Variants in CCDC175 observed in about 807,000 individuals in gnomAD.
The protein encoded by CCDC175 is coiled-coil domain-containing protein 175.
In CCDC175, 100 loss-of-function variants were observed where a neutral mutation model predicts 114.6. The observed-to-expected ratio is 0.87, with a 90% CI of 0.74 to 1.03. The LOEUF (loss-of-function observed/expected upper bound fraction) is 1.03. CCDC175 is among the 50% of genes least tolerant of loss of function. CCDC175 has a pLI of 0.00. For synonymous variants in CCDC175, 306 were observed against 308.7 expected (o/e 0.99, Z 0.09); for missense variants, 880 against 917.8 (o/e 0.96, Z 0.53).
rs771943436 is a variant in CCDC175 at position 59,538,821 on chromosome 14, T to G, written c.1375A>C (p.Met459Leu). ...GCATGCTTTTTTCTCAAGCAAGCCA[T>G]TTTCCACTGAGTTATAACACTAGAG... is the stretch of plus-strand genomic sequence containing the variant. ...SQRCVITQWK[M>L]ACLRKKHARW... The change falls in exon 12 of 20, where the codon ATG becomes CTG. Residue 459 changes from methionine to leucine, a missense_variant. Transcript: ENST00000537690. 2.6e-6 allele frequency: 4 copies of G among 1,536,492 alleles called. No individual in the cohort carries two copies. The East Asian group carries it at 7.3e-5, about 28-fold the overall frequency.
chr14:59,549,877 G>A (rs1895359050), intron 8 of CCDC175, among the ~76,000 whole-genome samples: 1 of 152,058 alleles, frequency 6.6e-6, no homozygotes, highest in South Asian at 2.1e-4. Flanking sequence ...GTATATTTGT[G>A]TGTATAAGTA....
chr14:59,522,138 G>C lies in CCDC175; in HGVS notation c.1996-462C>G, dbSNP rs1391190578. Among the ~76,000 whole-genome samples, 3 of 152,230 alleles carry C rather than the reference G, an allele frequency of 2.0e-5. No individual in the cohort carries two copies. The East Asian group carries it at 5.8e-4, about 29-fold the overall frequency. On this transcript the variant is annotated intron_variant, in intron 16 of 19. Coordinates refer to ENST00000537690, the MANE Select transcript of CCDC175 (RefSeq NM_001164399.2). The stretch of plus-strand genomic sequence containing the variant: ...CAGATGTTCACTGGGTTGGGTGCCA[G>C]TGGTGGCAGTAGTGACAGGTGACTT...
chr14:59,553,110 A>G (rs1895633238), intron 7 of CCDC175, among the ~76,000 whole-genome samples: 2 of 152,212 alleles, frequency 1.3e-5, no homozygotes, highest in African/African-American at 4.8e-5. Context: ...GGAAATACAG[A>G]GAACGCCACA....
chr14:59,572,055 CA>C (rs57092645), intron 3 of CCDC175, among the ~76,000 whole-genome samples: 48,387 of 149,754 alleles, frequency 0.32, 8,214 homozygotes, highest in African/African-American at 0.44. Flanking sequence ...ATTCCAAATT[CA>C]AAAAAAAAAT....
At position 59,551,356 on chromosome 14, in the gene CCDC175, T is replaced by G; in HGVS notation, c.1034A>C (p.Gln345Pro). The G allele has an allele frequency of 1.5e-6, 2 of 1,313,398 alleles. No individual in the cohort carries two copies. The highest frequency in any genetic ancestry group is 2.0e-6 in the Non-Finnish European group (2 of 981,416). The allele number at this position is 1,313,398 out of a possible 1,614,324, so 81.4% of individuals were successfully genotyped here. A position where few individuals can be genotyped will look rare whatever the true frequency, so the allele number is the denominator to read the frequency against. ...EKNEFLNKIK[Q>P]LVETLHAARM... The stretch of plus-strand genomic sequence containing the variant: ...AAGTCATGACTTCTGCCTTCTTACC[T>G]GTTTTATCTTGTTCAGGAATTCATT... Residue 345 changes from glutamine to proline, a missense_variant and splice_region_variant, in exon 8 of 20, where the codon CAG becomes CCG. Transcript: ENST00000537690.
At chr14:59,567,107 G>A (rs897980277) in intron 4 of CCDC175, among the ~76,000 whole-genome samples, 1 of 152,180 alleles carries the variant, frequency 6.6e-6, no homozygotes, top group African/African-American at 2.4e-5. Context: ...ATAGGAATGT[G>A]ATGTTGCTGA....
intron 11 of CCDC175, among the ~76,000 whole-genome samples, chr14:59,539,093 C>A (rs1894598943): frequency 6.6e-6 from 1 of 152,292 alleles, no homozygotes; most frequent in South Asian, 2.1e-4. Context: ...GCACACCTGG[C>A]AGCTTGCCTC....
intron 17 of CCDC175, among the ~76,000 whole-genome samples, chr14:59,513,393 G>A (rs978877424): frequency 1.2e-4 from 14 of 119,100 alleles, no homozygotes; most frequent in Admixed American, 9.7e-4. Flanking sequence ...GAAGTGGAAG[G>A]GGTCAGGGAA....
rs1894095877 is a variant in CCDC175 at position 59,531,903 on chromosome 14, A to G, written c.1631T>C (p.Phe544Ser). Residue 544 changes from phenylalanine to serine, a missense_variant, in exon 14 of 20, where the codon TTT becomes TCT. Coordinates refer to ENST00000537690, the MANE Select transcript of CCDC175 (RefSeq NM_001164399.2). ...TTTGTTAATTTGTGTTTCCTTAACA[A>G]ATATTTCCTTTAAAGAAAATAAAAT... is the stretch of plus-strand genomic sequence containing the variant. ...MKELSKYEEI[F>S]VKETQINKEK... 2 of 1,175,112 alleles carry G rather than the reference A, an allele frequency of 1.7e-6. No homozygotes were observed. Among genetic ancestry groups the G allele is most frequent in the Non-Finnish European group, 2.4e-6 (2 of 837,220 alleles). 72.8% of individuals were successfully genotyped at this position (1,175,112 alleles called of 1,614,324 possible).
intron 3 of CCDC175, 79 bp downstream of exon 3, chr14:59,572,623 A>G (rs947855209): frequency 2.7e-6 from 2 of 749,030 alleles, no homozygotes; most frequent in South Asian, 3.9e-5. Flanking sequence ...AGCAATAACT[A>G]TGAAACTTAT....
chr14:59,575,408 G>C (rs1897053123), intron 1 of CCDC175, among the ~76,000 whole-genome samples: 3 of 151,772 alleles, frequency 2.0e-5, no homozygotes, highest in African/African-American at 7.3e-5. Context: ...AGTATGAAAA[G>C]AGTTCAAGGT....
intron 17 of CCDC175, among the ~76,000 whole-genome samples, chr14:59,518,545 C>G: frequency 6.6e-6 from 1 of 152,218 alleles, no homozygotes; most frequent in Non-Finnish European, 1.5e-5. Flanking sequence ...GACATTTATA[C>G]AGCCAAAAGA....
chr14:59,551,427 GA>G lies in CCDC175; in HGVS notation c.962del (p.Phe321SerfsTer8). On this transcript the variant is annotated frameshift_variant, in exon 8 of 20. Transcript: ENST00000537690. LOFTEE classifies it high-confidence loss of function. ...CATCTAGTTTTTCTTTGTTATCTGT[GA>G]AAAAACACCTATGAACAAAGGAAGC... ...LAILEAKLCF[F>X]TDNKEKLDDI... 1.4e-6 allele frequency: 2 copies of G among 1,431,206 alleles called. No homozygotes were observed. Among genetic ancestry groups the G allele is most frequent in the South Asian group, 1.4e-5 (1 of 74,018 alleles). The allele number at this position is 1,431,206 out of a possible 1,614,324, so 88.7% of individuals were successfully genotyped here.
At chr14:59,511,242 A>G (rs1892722395) in intron 18 of CCDC175, among the ~76,000 whole-genome samples, 1 of 152,176 alleles carries the variant, frequency 6.6e-6, no homozygotes, top group South Asian at 2.1e-4. Flanking sequence ...CCATGTGAAA[A>G]AGACATTTTA....
At chr14:59,513,417 T>G (rs934855708) in intron 17 of CCDC175, among the ~76,000 whole-genome samples, 1 of 152,100 alleles carries the variant, frequency 6.6e-6, no homozygotes, top group Non-Finnish European at 1.5e-5. Flanking sequence ...CCTTTCCTAG[T>G]CAAAGAAAGG....
At position 59,561,086 on chromosome 14, in the gene CCDC175, A is replaced by G. The variant is rs1310054384; in HGVS notation, c.953+33T>C. On this transcript the variant is annotated intron_variant, in intron 7 of 19. Coordinates refer to ENST00000537690, the MANE Select transcript of CCDC175 (RefSeq NM_001164399.2). ...ATTATATCATATTAACATATCTCGA[A>G]ACATTTAAGTAAAAATAAAGCATTA... The G allele has an allele frequency of 3.6e-6, 4 of 1,112,010 alleles. No individual in the cohort carries two copies. The South Asian group carries it at 5.4e-5, about 15-fold the overall frequency. 68.9% of individuals were successfully genotyped at this position (1,112,010 alleles called of 1,614,324 possible). A position where few individuals can be genotyped will look rare whatever the true frequency, so the allele number is the denominator to read the frequency against.
chr14:59,576,682 T>C lies in CCDC175; in HGVS notation c.94A>G (p.Thr32Ala). ...VSTGPSLELC[T>A]LPSTLGSSVA... ...GAGGAGCCCAGGGTGGAGGGTAAGG[T>C]GCATAACTCCAGGGAGGGGCCAGTG... The change falls in exon 1 of 20, where the codon ACC becomes GCC. Residue 32 changes from threonine to alanine, a missense_variant. Transcript: ENST00000537690. 6.7e-7 allele frequency: 1 copy of C among 1,487,462 alleles called. No individual in the cohort carries two copies. The highest frequency in any genetic ancestry group is 1.3e-5 in the South Asian group (1 of 78,602). The allele number at this position is 1,487,462 out of a possible 1,614,324, so 92.1% of individuals were successfully genotyped here. A position where few individuals can be genotyped will look rare whatever the true frequency, so the allele number is the denominator to read the frequency against.
At chr14:59,576,564 T>C in intron 1 of CCDC175, 55 bp downstream of exon 1, 1 of 1,359,676 alleles carries the variant, frequency 7.4e-7, no homozygotes, top group African/African-American at 1.5e-5. Flanking sequence ...GCTGAGTGCC[T>C]CCTAAGCGCC....
intron 7 of CCDC175, among the ~76,000 whole-genome samples, chr14:59,552,800 C>G (rs1007025000): frequency 1.3e-5 from 2 of 152,106 alleles, no homozygotes; most frequent in Non-Finnish European, 2.9e-5. Flanking sequence ...AACCATGGTA[C>G]GTGAACTACG....
Sources: allele counts gnomAD v4.1 joint callset (sites outside exome capture counted in the v4.1 genomes callset), GRCh38; gene constraint gnomAD v4.1.1; transcripts MANE v1.5; gene names NCBI Gene and HGNC (gene_info 2026-07-23, HGNC 2026-07-21).